Variants in CRPPA observed in about 807,000 individuals in gnomAD.
The protein encoded by CRPPA is D-ribitol-5-phosphate cytidylyltransferase.
In CRPPA, 43 loss-of-function variants were observed where a neutral mutation model predicts 52.0. The observed-to-expected ratio is 0.83, with a 90% CI of 0.65 to 1.07. The LOEUF (loss-of-function observed/expected upper bound fraction) is 1.07. CRPPA is among the 50% of genes least tolerant of loss of function. CRPPA has a pLI of 0.00. For synonymous variants in CRPPA, 250 were observed against 203.5 expected, an observed-to-expected ratio of 1.23 and a Z score of -1.94; for missense variants, 629 against 551.7, an observed-to-expected ratio of 1.14 and a Z score of -1.40.
rs549908539 is a variant in CRPPA at position 16,094,961 on chromosome 7, G to C, written c.1252-3162C>G. On this transcript the variant is annotated intron_variant, in intron 9 of 9. Transcript: ENST00000407010. ...CTGGAACAGAAAAACACATTAGGTA[G>C]AACTATGGAAATCTCACTAAACTAT... 5.9e-5 allele frequency among the ~76,000 whole-genome samples: 9 copies of C among 152,108 alleles called. No individual in the cohort carries two copies. In the East Asian group the frequency reaches 1.7e-3, roughly 30 times the overall value.
intron 9 of CRPPA, among the ~76,000 whole-genome samples, chr7:16,136,601 G>C: frequency 6.6e-6 from 1 of 151,684 alleles, no homozygotes; most frequent in Non-Finnish European, 1.5e-5. Flanking sequence ...GCCAACAATT[G>C]CTAAATATCA....
At chr7:16,386,447 C>T (rs1045655655) in intron 2 of CRPPA, among the ~76,000 whole-genome samples, 2 of 152,180 alleles carry the variant, frequency 1.3e-5, no homozygotes, top group Admixed American at 6.5e-5. Flanking sequence ...CCATGAGTTT[C>T]TAGGCTTGAG....
intron 3 of CRPPA, among the ~76,000 whole-genome samples, chr7:16,332,753 T>C (rs1384390533): frequency 6.6e-6 from 1 of 152,070 alleles, no homozygotes; most frequent in Non-Finnish European, 1.5e-5. Flanking sequence ...GGACAACATA[T>C]ATAAAATAGT....
chr7:16,125,782 G>A (rs1434625550), intron 9 of CRPPA, among the ~76,000 whole-genome samples: 1 of 151,866 alleles, frequency 6.6e-6, no homozygotes, highest in Non-Finnish European at 1.5e-5. Flanking sequence ...AAATTTTCAA[G>A]AAGCTCGATC....
At position 16,089,457 on chromosome 7, in the gene CRPPA, ATG is replaced by A; in HGVS notation, c.*2236_*2237del. ...TGTATATATGTACGTGCATACATAT[ATG>A]TGTATATATGTACGTACATATATAC... On this transcript the variant is annotated 3_prime_UTR_variant, in exon 10 of 10. Transcript: ENST00000407010. The A allele has an allele frequency of 6.1e-6, 2 of 330,460 alleles. No homozygotes were observed. The highest frequency in any genetic ancestry group is 4.4e-5 in the South Asian group (2 of 45,322). The allele number at this position is 330,460 out of a possible 1,614,324, so 20.5% of individuals were successfully genotyped here.
At position 16,162,973 on chromosome 7, in the gene CRPPA, C is replaced by CTTTTTTTTTTTTTTTTTTTT. The variant is rs377244023; in HGVS notation, c.1251+53092_1251+53093insAAAAAAAAAAAAAAAAAAAA. Among the ~76,000 whole-genome samples, 2 of 120,828 alleles carry CTTTTTTTTTTTTTTTTTTTT rather than the reference C, an allele frequency of 1.7e-5. 1 individual carries two copies. The allele number at this position is 120,828 out of a possible 152,430, so 79.3% of individuals were successfully genotyped here. ...TTTTTTTCTTTTTCTTTTTCTTTCTCTTTTTTTTTTTTTTTTTTGAGACGG... is the reference window on the plus strand; with the variant it reads ...TTTTTTTCTTTTTCTTTTTCTTTCTCTTTTTTTTTTTTTTTTTTTTTTTTTTTTTTTTTTTTTTGAGACGG... On this transcript the variant is annotated intron_variant, in intron 9 of 9. Coordinates refer to ENST00000407010, the MANE Select transcript of CRPPA (RefSeq NM_001101426.4).
At chr7:16,311,798 G>T (rs1261203362) in intron 3 of CRPPA, among the ~76,000 whole-genome samples, 3 of 152,104 alleles carry the variant, frequency 2.0e-5, no homozygotes, top group African/African-American at 7.2e-5. Flanking sequence ...GTGACAGGTT[G>T]AAAGTGTGTG....
At chr7:16,268,530 A>G (rs1022349860) in intron 6 of CRPPA, among the ~76,000 whole-genome samples, 2 of 152,124 alleles carry the variant, frequency 1.3e-5, no homozygotes, top group Non-Finnish European at 2.9e-5. Context: ...CAACTTTCCC[A>G]TTATGACTTA....
At chr7:16,110,472 C>T (rs906681905) in intron 9 of CRPPA, among the ~76,000 whole-genome samples, 51 of 151,964 alleles carry the variant, frequency 3.4e-4, no homozygotes, top group African/African-American at 1.0e-3. Context: ...AAGGCAGCCA[C>T]GAGCGAAAAG....
intron 3 of CRPPA, among the ~76,000 whole-genome samples, chr7:16,364,953 A>C (rs1051523200): frequency 2.0e-5 from 3 of 152,228 alleles, no homozygotes; most frequent in Admixed American, 2.0e-4. Context: ...ACTTAACATA[A>C]GATTTCAAAT....
At chr7:16,236,954 A>G (rs935890487) in intron 8 of CRPPA, among the ~76,000 whole-genome samples, 1 of 151,664 alleles carries the variant, frequency 6.6e-6, no homozygotes, top group African/African-American at 2.4e-5. Flanking sequence ...GCGCGCGCAC[A>G]CACACACACA....
At chr7:16,360,980 A>T (rs982165416) in intron 3 of CRPPA, among the ~76,000 whole-genome samples, 3 of 152,224 alleles carry the variant, frequency 2.0e-5, no homozygotes, top group Non-Finnish European at 4.4e-5. Context: ...GAAAAGGTTT[A>T]AGACCTAGAA....
chr7:16,345,043 T>C (rs971653214), intron 3 of CRPPA, among the ~76,000 whole-genome samples: 1 of 152,128 alleles, frequency 6.6e-6, no homozygotes, highest in Non-Finnish European at 1.5e-5. Flanking sequence ...CAGGTCCGCA[T>C]ATAAATGCAT....
chr7:16,109,291 A>G (rs28854175), intron 9 of CRPPA, among the ~76,000 whole-genome samples: 2,095 of 152,030 alleles, frequency 0.014, 37 homozygotes, highest in African/African-American at 0.047. Context: ...TTATAAGTCA[A>G]TGAATTGAGT....
intron 9 of CRPPA, among the ~76,000 whole-genome samples, chr7:16,149,800 A>G (rs921857941): frequency 6.6e-6 from 1 of 152,138 alleles, no homozygotes; most frequent in African/African-American, 2.4e-5. Flanking sequence ...AGCCTGGGCA[A>G]CACGGTGAAA....
rs1562496198 is a variant in CRPPA, at chr7:16,089,263, C to CGTATATACATATATGTGTGTATGCGTAT, written c.*2431_*2432insATACGCATACACACATATATGTATATAC. The CGTATATACATATATGTGTGTATGCGTAT allele has an allele frequency of 1.5e-5, 5 of 338,634 alleles. No individual in the cohort carries two copies. The East Asian group carries it at 3.8e-4, about 26-fold the overall frequency. The allele number at this position is 338,634 out of a possible 1,614,324, so 21.0% of individuals were successfully genotyped here. A position where few individuals can be genotyped will look rare whatever the true frequency, so the allele number is the denominator to read the frequency against. ...ATATACATATATGTGTGTATGCGTA[C>CGTATATACATATATGTGTGTATGCGTAT]GTATATACATATATGTGTGTATGCG... On this transcript the variant is annotated 3_prime_UTR_variant, in exon 10 of 10. Transcript: ENST00000407010.
chr7:16,209,260 C>T (rs921094868), intron 9 of CRPPA: 18 of 184,676 alleles, frequency 9.7e-5, no homozygotes, highest in African/African-American at 3.5e-4. Flanking sequence ...CCAAGTAATA[C>T]GGTTCTAAGT....
At position 16,091,289 on chromosome 7, in the gene CRPPA, G is replaced by C. The variant is rs1381390522; in HGVS notation, c.*406C>G. On this transcript the variant is annotated 3_prime_UTR_variant, in exon 10 of 10. Coordinates refer to ENST00000407010, the MANE Select transcript of CRPPA (RefSeq NM_001101426.4). ...CAATTATAGAAGTGAGAATAATTCT[G>C]AAGTTTATCCATTAGCTTCATAATA... The C allele has an allele frequency of 1.9e-5, 3 of 157,912 alleles. No homozygotes were observed. Among genetic ancestry groups the C allele is most frequent in the African/African-American group, 7.2e-5 (3 of 41,484 alleles). The allele number at this position is 157,912 out of a possible 1,614,324, so 9.8% of individuals were successfully genotyped here.
At chr7:16,357,495 T>C (rs953010938) in intron 3 of CRPPA, among the ~76,000 whole-genome samples, 9 of 152,260 alleles carry the variant, frequency 5.9e-5, no homozygotes, top group African/African-American at 2.2e-4. Context: ...TAGGTGATTT[T>C]ATAGATGTGT....
Sources: gnomAD v4.1 joint callset for allele counts (sites outside exome capture counted in the v4.1 genomes callset) on GRCh38, gnomAD v4.1.1 for gene constraint, MANE v1.5 for transcripts, NCBI Gene and HGNC (gene_info 2026-07-23, HGNC 2026-07-21) for gene names.